The following PCDHA2 variants were observed in gnomAD, a reference collection of about 807,000 sequenced individuals.
PCDHA2 encodes the protein protocadherin alpha 2.
PCDHA2 carries 58 observed loss-of-function variants against 66.0 expected under a neutral mutation model. That is an observed-to-expected ratio of 0.88 (90% CI 0.71 to 1.09). The LOEUF is 1.09. Among genes scored for constraint, PCDHA2 ranks in the 50% least tolerant of loss-of-function variants. The pLI is 0.00. For missense variants in PCDHA2, 1,267 were observed against 1,242.3 expected, an observed-to-expected ratio of 1.02 and a Z score of -0.30; for synonymous variants, 634 against 554.0, an observed-to-expected ratio of 1.14 and a Z score of -2.03.
At position 140,822,379 on chromosome 5, in the gene PCDHA2, G is replaced by A. The variant is rs2150115854; in HGVS notation, c.2388+25027G>A. 1.9e-6 allele frequency: 3 copies of A among 1,614,118 alleles called. No homozygotes were observed. In the Admixed American group the frequency reaches 5.0e-5, roughly 27 times the overall value. ...GGTTTTGAGGAAATCCTTAGATAGA[G>A]AAGAAACACAAGAACACCGTTTATT... On this transcript the variant is annotated intron_variant, in intron 1 of 3. Transcript: ENST00000526136.
At chr5:140,924,572 A>G (rs1345446158) in intron 1 of PCDHA2, among the ~76,000 whole-genome samples, 1 of 152,132 alleles carries the variant, frequency 6.6e-6, no homozygotes, top group African/African-American at 2.4e-5. Flanking sequence ...CAATTTTTAA[A>G]TGTTTTCAAA....
chr5:140,965,496 A>ATT lies in PCDHA2; in HGVS notation c.2389-13439_2389-13438dup, dbSNP rs71766133. On this transcript the variant is annotated intron_variant, in intron 1 of 3. Coordinates refer to ENST00000526136, the MANE Select transcript of PCDHA2 (RefSeq NM_018905.3). Reference sequence around the variant, plus strand: ...CCCACATTTTGCTTAATGACAGCAGATTTTTTTTTTTTTTTAACTGCAAAG... The same window carrying ATT: ...CCCACATTTTGCTTAATGACAGCAGATTTTTTTTTTTTTTTTTAACTGCAAAG... Among the ~76,000 whole-genome samples the ATT allele has an allele frequency of 3.3e-3, 482 of 146,482 alleles. 3 individuals are homozygous for ATT. The highest frequency in any genetic ancestry group is 0.011 in the African/African-American group (455 of 40,032).
At position 140,969,226 on chromosome 5, in the gene PCDHA2, G is replaced by A. The variant is rs145631723; in HGVS notation, c.2389-9723G>A. 3.9e-4 allele frequency: 622 copies of A among 1,614,150 alleles called. 3 individuals are homozygous for A. The African/African-American group carries it at 5.9e-3, about 15-fold the overall frequency. On this transcript the variant is annotated intron_variant, in intron 1 of 3. Transcript: ENST00000526136. Reference sequence around the variant, plus strand: ...GGGCCCAGACAGGACCAGGGCCTTCGGGAGCCCAAGCAGCAGTGACTGACA... The same window carrying A: ...GGGCCCAGACAGGACCAGGGCCTTCAGGAGCCCAAGCAGCAGTGACTGACA...
Position 140,846,597 on chromosome 5 carries a change from A to C in PCDHA2, c.2388+49245A>C, listed in dbSNP as rs2150392674. 8.1e-5 allele frequency among the ~76,000 whole-genome samples: 12 copies of C among 148,550 alleles called. 1 individual carries two copies. The East Asian group carries it at 2.3e-3, about 29-fold the overall frequency. On this transcript the variant is annotated intron_variant, in intron 1 of 3. Coordinates refer to ENST00000526136, the MANE Select transcript of PCDHA2 (RefSeq NM_018905.3). ...CACCATGTTAGCCAGGATGGTCTCG[A>C]TCTCCTGACCTCCTGATCCGCCCAC...
intron 1 of PCDHA2, among the ~76,000 whole-genome samples, chr5:140,933,667 C>A (rs2089323484): frequency 6.6e-6 from 1 of 151,936 alleles, no homozygotes. Flanking sequence ...CTCTCTCTGT[C>A]TCTCTCACAT....
chr5:140,823,699 C>T lies in PCDHA2; in HGVS notation c.2388+26347C>T, dbSNP rs1377406671. The T allele has an allele frequency of 1.9e-6, 3 of 1,613,816 alleles. No homozygotes were observed. In the African/African-American group the frequency reaches 4.0e-5, roughly 22 times the overall value. ...ACGCTCTCTGGATGAGACCGAAGCA[C>T]CGCGCCACCGCCTTCTGGTGCTGGT... On this transcript the variant is annotated intron_variant, in intron 1 of 3. Coordinates refer to ENST00000526136, the MANE Select transcript of PCDHA2 (RefSeq NM_018905.3).
intron 3 of PCDHA2, among the ~76,000 whole-genome samples, chr5:140,999,519 G>A (rs1303009823): frequency 6.6e-6 from 1 of 152,074 alleles, no homozygotes; most frequent in Non-Finnish European, 1.5e-5. Context: ...TAAGCATTTT[G>A]TTACCCCCTG....
chr5:140,848,620 G>A lies in PCDHA2; in HGVS notation c.2388+51268G>A, dbSNP rs149227021. 3.5e-4 allele frequency: 562 copies of A among 1,593,402 alleles called. 59 individuals are homozygous for A. Among genetic ancestry groups the A allele is most frequent in the Non-Finnish European group, 4.4e-4 (511 of 1,163,966 alleles). On this transcript the variant is annotated intron_variant, in intron 1 of 3. Coordinates refer to ENST00000526136, the MANE Select transcript of PCDHA2 (RefSeq NM_018905.3). Reference sequence around the variant, plus strand: ...TCCGTCCCGGAGGAAGCCGAACACGGCACCTTCGTGGGCCGCATCGCGCAG... The same window carrying A: ...TCCGTCCCGGAGGAAGCCGAACACGACACCTTCGTGGGCCGCATCGCGCAG...
At chr5:140,927,540 C>T (rs1376391756) in intron 1 of PCDHA2, 6 of 1,614,136 alleles carry the variant, frequency 3.7e-6, no homozygotes, top group African/African-American at 2.7e-5. Flanking sequence ...GCTCAGGAGA[C>T]GCACAAGTCA....
intron 1 of PCDHA2, among the ~76,000 whole-genome samples, chr5:140,844,268 C>G (rs1440274573): frequency 6.7e-6 from 1 of 149,334 alleles, no homozygotes; most frequent in Non-Finnish European, 1.5e-5. Context: ...TGATAAAATA[C>G]AGAATGATAG....
At chr5:140,923,839 A>G (rs2081544977) in intron 1 of PCDHA2, among the ~76,000 whole-genome samples, 1 of 152,236 alleles carries the variant, frequency 6.6e-6, no homozygotes, top group Non-Finnish European at 1.5e-5. Flanking sequence ...CAGTTTAAAT[A>G]GAGAAATGGG....
At chr5:140,976,486 G>T (rs782708902) in intron 1 of PCDHA2, among the ~76,000 whole-genome samples, 1 of 152,078 alleles carries the variant, frequency 6.6e-6, no homozygotes, top group Non-Finnish European at 1.5e-5. Context: ...GGGAGGCAGA[G>T]GTTGCAGGGA....
At chr5:141,006,188 A>C (rs1319299509) in intron 3 of PCDHA2, among the ~76,000 whole-genome samples, 2 of 150,182 alleles carry the variant, frequency 1.3e-5, no homozygotes, top group Admixed American at 6.7e-5. Flanking sequence ...AGAGTTTGCT[A>C]TATGTATGTT....
At chr5:140,901,982 A>G (rs1250710466) in intron 1 of PCDHA2, among the ~76,000 whole-genome samples, 2 of 151,818 alleles carry the variant, frequency 1.3e-5, no homozygotes, top group Non-Finnish European at 1.5e-5. Flanking sequence ...TTACTTTTTA[A>G]TTTCATTTTC....
intron 1 of PCDHA2, among the ~76,000 whole-genome samples, chr5:140,889,648 A>G (rs1414947366): frequency 6.6e-6 from 1 of 152,094 alleles, no homozygotes; most frequent in African/African-American, 2.4e-5. Flanking sequence ...TGTTTGCAGG[A>G]GATGTCCTCT....
rs146607016 is a variant in PCDHA2, at chr5:140,835,699, C to A, written c.2388+38347C>A. 1.1e-4 allele frequency: 183 copies of A among 1,613,916 alleles called. 1 individual carries two copies. The highest frequency in any genetic ancestry group is 1.4e-4 in the Non-Finnish European group (162 of 1,179,884). On this transcript the variant is annotated intron_variant, in intron 1 of 3. Transcript: ENST00000526136. ...GGCTCGCCTTCTCTGTGGGCCACTGCTAGCGTGTCCGTGGAGGTGGCCGAC... is the reference window on the plus strand; with the variant it reads ...GGCTCGCCTTCTCTGTGGGCCACTGATAGCGTGTCCGTGGAGGTGGCCGAC...
At chr5:140,803,309 C>G in intron 1 of PCDHA2, 4 of 1,614,164 alleles carry the variant, frequency 2.5e-6, no homozygotes, top group Non-Finnish European at 3.4e-6. Context: ...TCGTCGCCAT[C>G]TGCGCGGTGT....
In PCDHA2 at chr5:140,801,704, T is replaced by C. The variant is rs575847479; in HGVS notation, c.2388+4352T>C. 6.7e-5 allele frequency: 108 copies of C among 1,614,206 alleles called. No homozygotes were observed. The Admixed American group carries it at 1.8e-3, about 26-fold the overall frequency. ...ATATCGGAACAAATTCGTTGTTGAC[T>C]TACAGTCTTGATTCCACTGAATATT... On this transcript the variant is annotated intron_variant, in intron 1 of 3. Transcript: ENST00000526136.
chr5:140,803,080 C>T (rs1763108368), intron 1 of PCDHA2: 1 of 1,613,930 alleles, frequency 6.2e-7, no homozygotes, highest in Non-Finnish European at 8.5e-7. Context: ...GGGCTGTACA[C>T]GGGAGAGATC....
Sources: gnomAD v4.1 joint callset for allele counts (sites outside exome capture counted in the v4.1 genomes callset) on GRCh38, gnomAD v4.1.1 for gene constraint, MANE v1.5 for transcripts, NCBI Gene and HGNC (gene_info 2026-07-23, HGNC 2026-07-21) for gene names.